The following NECTIN2 variants were observed in gnomAD, a reference collection of about 807,000 sequenced individuals.
The protein encoded by NECTIN2 is nectin-2.
In NECTIN2, 23 loss-of-function variants were observed where a neutral mutation model predicts 56.9. The observed-to-expected ratio is 0.40, with a 90% CI of 0.29 to 0.57. The LOEUF is 0.57. NECTIN2 is among the 20% of genes least tolerant of loss of function. NECTIN2 has a pLI of 0.38. For missense variants in NECTIN2, 587 were observed against 718.3 expected (o/e 0.82, Z 2.09); for synonymous variants, 302 against 313.8 (o/e 0.96, Z 0.40).
chr19:44,849,061 G>A (rs768524541), intron 1 of NECTIN2, among the ~76,000 whole-genome samples: 7 of 152,162 alleles, frequency 4.6e-5, no homozygotes, highest in South Asian at 2.1e-4. Context: ...GGAGAAGTTG[G>A]GGGGTGGGTA....
intron 1 of NECTIN2, among the ~76,000 whole-genome samples, chr19:44,860,467 C>T (rs918770795): frequency 1.3e-5 from 2 of 151,990 alleles, no homozygotes; most frequent in Admixed American, 6.6e-5. Context: ...GCAGAAATCG[C>T]GCCATTGCAC....
At chr19:44,859,996 C>T (rs923898725) in intron 1 of NECTIN2, among the ~76,000 whole-genome samples, 3 of 152,136 alleles carry the variant, frequency 2.0e-5, no homozygotes, top group Admixed American at 6.6e-5. Context: ...AAATGTGGTC[C>T]GTCCATGTAG....
intron 5 of NECTIN2, chr19:44,878,544 C>T: frequency 6.2e-7 from 1 of 1,613,982 alleles, no homozygotes. Flanking sequence ...ATGTTGCCTC[C>T]ACCCCCAGCA....
chr19:44,885,829 G>A, intron 6 of NECTIN2, 108 bp from the exon 7 acceptor site: 1 of 868,864 alleles, frequency 1.2e-6, no homozygotes, highest in East Asian at 2.4e-5. Flanking sequence ...AAGAAAAGGG[G>A]GCAGGGGAAA....
chr19:44,851,891 G>A (rs913485860), intron 1 of NECTIN2, among the ~76,000 whole-genome samples: 2 of 152,080 alleles, frequency 1.3e-5, no homozygotes, highest in African/African-American at 2.4e-5. Context: ...AGAGCGTCTG[G>A]GCAGCGGCCC....
At chr19:44,873,028 G>A (rs922691336) in intron 3 of NECTIN2, among the ~76,000 whole-genome samples, 4 of 151,494 alleles carry the variant, frequency 2.6e-5, no homozygotes, top group Non-Finnish European at 4.4e-5. Context: ...CTCACACCTC[G>A]TAATGTTACC....
intron 2 of NECTIN2, among the ~76,000 whole-genome samples, chr19:44,871,283 T>G (rs985266060): frequency 6.6e-6 from 1 of 152,078 alleles, no homozygotes; most frequent in African/African-American, 2.4e-5. Context: ...CCTCAGAGCT[T>G]TGGGGAGCCG....
chr19:44,859,243 A>G (rs1402551969), intron 1 of NECTIN2, among the ~76,000 whole-genome samples: 1 of 152,082 alleles, frequency 6.6e-6, no homozygotes, highest in African/African-American at 2.4e-5. Context: ...CTGTAATTAA[A>G]CTGAGCTTCC....
intron 8 of NECTIN2, among the ~76,000 whole-genome samples, chr19:44,886,725 AAAAT>A (rs1290907351): frequency 2.0e-5 from 3 of 151,852 alleles, no homozygotes; most frequent in Admixed American, 6.6e-5. Flanking sequence ...CCGTCTCAAA[AAAAT>A]AAATAAAACC....
At chr19:44,866,238 G>C (rs1048768985) in intron 2 of NECTIN2, among the ~76,000 whole-genome samples, 1 of 151,948 alleles carries the variant, frequency 6.6e-6, no homozygotes, top group South Asian at 2.1e-4. Context: ...CACTTTGGGA[G>C]GCTGAGGCAG....
intron 1 of NECTIN2, among the ~76,000 whole-genome samples, chr19:44,847,183 T>C (rs1968846093): frequency 1.3e-5 from 2 of 152,064 alleles, no homozygotes; most frequent in East Asian, 3.9e-4. Flanking sequence ...TCTGGCGACT[T>C]AGGGGGAAGG....
intron 1 of NECTIN2, 37 bp downstream of exon 1, chr19:44,846,650 C>T: frequency 6.6e-7 from 1 of 1,509,642 alleles, no homozygotes; most frequent in Non-Finnish European, 8.8e-7. Flanking sequence ...CTCGCGCGGA[C>T]CCCCTCCAAC....
Position 44,865,158 on chromosome 19 carries a change from C to G in NECTIN2, c.89-113C>G. The G allele has an allele frequency of 1.7e-6, 2 of 1,179,532 alleles. No individual in the cohort carries two copies. Among genetic ancestry groups the G allele is most frequent in the South Asian group, 1.6e-5 (1 of 63,712 alleles). The allele number at this position is 1,179,532 out of a possible 1,614,324, so 73.1% of individuals were successfully genotyped here. On this transcript the variant is annotated intron_variant, in intron 1 of 8. Coordinates refer to ENST00000252483, the MANE Select transcript of NECTIN2 (RefSeq NM_001042724.2). This position sits in a 1 kb window ranked among gnomAD's most constrained non-coding sequence, Gnocchi z 5.2. ...AATCAGGATGCTGCGAAGCTGCCTA[C>G]GTTGCATGCGGAGCCTGCATTTCCC...
chr19:44,847,959 G>A (rs1222231859), intron 1 of NECTIN2, among the ~76,000 whole-genome samples: 1 of 152,138 alleles, frequency 6.6e-6, no homozygotes, highest in Admixed American at 6.5e-5. Flanking sequence ...GGGAACCCTT[G>A]AAAGAGGCGC....
In NECTIN2 at chr19:44,886,015, T is replaced by G; in HGVS notation, c.1260+15T>G. 1 of 1,595,942 alleles carries G rather than the reference T, an allele frequency of 6.3e-7. No homozygotes were observed. The highest frequency in any genetic ancestry group is 8.6e-7 in the Non-Finnish European group (1 of 1,163,600). ...CACAGGAGATGGTGAGCACTTTCCC[T>G]GGAGCCCAAGCTATCCCCACCTCCA... On this transcript the variant is annotated intron_variant, in intron 7 of 8. Transcript: ENST00000252483.
At chr19:44,872,833 TTATATAAAA>T (rs1190127367) in intron 3 of NECTIN2, among the ~76,000 whole-genome samples, 4 of 147,730 alleles carry the variant, frequency 2.7e-5, no homozygotes, top group Admixed American at 1.4e-4. Flanking sequence ...ATATTATATA[TTATATAAAA>T]TATATAAATT....
At chr19:44,878,115 A>G (rs1013705788) in intron 5 of NECTIN2, 1 of 480,816 alleles carries the variant, frequency 2.1e-6, no homozygotes, top group African/African-American at 2.3e-5. Context: ...CGCTCCCTCC[A>G]TCCCCGCCTA....
chr19:44,860,705 C>T (rs1969022073), intron 1 of NECTIN2, among the ~76,000 whole-genome samples: 2 of 151,588 alleles, frequency 1.3e-5, no homozygotes, highest in South Asian at 2.1e-4. Flanking sequence ...GGCGCGATCT[C>T]GGCTCACTGC....
chr19:44,878,857 G>A (rs1010197470), intron 5 of NECTIN2: 11 of 1,302,858 alleles, frequency 8.4e-6, no homozygotes, highest in African/African-American at 6.0e-5. Flanking sequence ...GAGGACCCCC[G>A]CCCCCAGAGA....
Sources: gnomAD v4.1 joint callset for allele counts (sites outside exome capture counted in the v4.1 genomes callset) on GRCh38, gnomAD v4.1.1 for gene constraint, Gnocchi (gnomAD v3.1) non-coding constraint, MANE v1.5 for transcripts, NCBI Gene and HGNC (gene_info 2026-07-23, HGNC 2026-07-21) for gene names.